GABRG3: variants seen among roughly 807,000 people sequenced by gnomAD.
GABRG3 encodes the protein gamma-aminobutyric acid receptor subunit gamma-3.
In GABRG3, 25 loss-of-function variants were observed where a neutral mutation model predicts 48.8. The ratio of observed to expected loss-of-function variants is 0.51; its 90% CI spans 0.37 to 0.72. GABRG3 has a LOEUF of 0.72. Among genes scored for constraint, GABRG3 ranks in the 30% least tolerant of loss-of-function variants. The pLI is 0.00. For synonymous variants in GABRG3, 227 were observed against 217.6 expected (o/e 1.04, Z -0.38); for missense variants, 394 against 577.9 (o/e 0.68, Z 3.26).
chr15:27,034,220 A>C (rs1453919457), intron 3 of GABRG3, among the ~76,000 whole-genome samples: 3 of 152,132 alleles, frequency 2.0e-5, no homozygotes, highest in African/African-American at 4.8e-5. Flanking sequence ...GGCTTTGTGG[A>C]TCTCCTGTTG....
chr15:26,999,686 T>C (rs1411409871), intron 2 of GABRG3, among the ~76,000 whole-genome samples: 1 of 152,180 alleles, frequency 6.6e-6, no homozygotes. Context: ...CAATCATTAT[T>C]TCCTCAAATG....
chr15:27,178,188 T>A (rs1887807803), intron 3 of GABRG3, among the ~76,000 whole-genome samples: 2 of 152,198 alleles, frequency 1.3e-5, no homozygotes, highest in Admixed American at 6.5e-5. Flanking sequence ...GTCAACTGTA[T>A]CCAAGTTATT....
Position 27,003,145 on chromosome 15 carries a change from T to A in GABRG3, c.203-23609T>A, listed in dbSNP as rs144964617. Among the ~76,000 whole-genome samples the A allele has an allele frequency of 9.9e-3, 1,499 of 151,338 alleles. 28 individuals carry two copies. The highest frequency in any genetic ancestry group is 0.034 in the African/African-American group (1,427 of 41,402). ...TTATATCGTTGGTATTCAAGTATCA[T>A]GAAATAGTTTTTATTTTTTTATTTT... On this transcript the variant is annotated intron_variant, in intron 2 of 9. Transcript: ENST00000615808.
At chr15:27,217,750 A>G (rs1323367467) in intron 3 of GABRG3, among the ~76,000 whole-genome samples, 1 of 152,214 alleles carries the variant, frequency 6.6e-6, no homozygotes, top group East Asian at 1.9e-4. Flanking sequence ...TACTCTCAAC[A>G]TAGGCACACA....
At chr15:27,405,738 C>T (rs371183145) in intron 5 of GABRG3, among the ~76,000 whole-genome samples, 23 of 151,930 alleles carry the variant, frequency 1.5e-4, no homozygotes, top group East Asian at 9.7e-4. Flanking sequence ...GGTTTTGAAG[C>T]GGCAACAGCC....
chr15:27,407,322 G>A (rs537719440), intron 5 of GABRG3, among the ~76,000 whole-genome samples: 4 of 152,322 alleles, frequency 2.6e-5, no homozygotes, highest in African/African-American at 9.6e-5. Flanking sequence ...GCAAATGCTG[G>A]CAAGGATATG....
At chr15:27,503,054 C>T (rs1308496494) in intron 6 of GABRG3, among the ~76,000 whole-genome samples, 2 of 152,226 alleles carry the variant, frequency 1.3e-5, no homozygotes, top group Non-Finnish European at 2.9e-5. Context: ...TAACTTTCAG[C>T]TTTCTCCTCT....
At chr15:27,301,900 G>GA (rs1566764425) in intron 3 of GABRG3, among the ~76,000 whole-genome samples, 3 of 152,074 alleles carry the variant, frequency 2.0e-5, no homozygotes, top group Non-Finnish European at 4.4e-5. Flanking sequence ...AGGCCAGAAA[G>GA]AAGAGGCATG....
intron 3 of GABRG3, among the ~76,000 whole-genome samples, chr15:27,165,244 T>G (rs1887334833): frequency 6.6e-6 from 1 of 152,162 alleles, no homozygotes; most frequent in Non-Finnish European, 1.5e-5. Context: ...TTGTTACTGG[T>G]GGTATGTTTA....
intron 3 of GABRG3, among the ~76,000 whole-genome samples, chr15:27,110,768 A>G (rs971658351): frequency 7.2e-5 from 11 of 152,136 alleles, no homozygotes; most frequent in Non-Finnish European, 1.3e-4. Context: ...TCACACTTCT[A>G]TAGGTGTGGT....
At chr15:27,103,816 T>C (rs919596923) in intron 3 of GABRG3, among the ~76,000 whole-genome samples, 4 of 152,178 alleles carry the variant, frequency 2.6e-5, no homozygotes, top group Non-Finnish European at 5.9e-5. Flanking sequence ...CCAATATCAA[T>C]AGCTTGGGGC....
At chr15:27,112,822 C>T (rs531518840) in intron 3 of GABRG3, among the ~76,000 whole-genome samples, 25 of 152,314 alleles carry the variant, frequency 1.6e-4, no homozygotes, top group Admixed American at 1.3e-3. Flanking sequence ...CAGCTAACCC[C>T]TTATGAGCGA....
At position 27,447,191 on chromosome 15, in the gene GABRG3, G is replaced by T. The variant is rs1463189660; in HGVS notation, c.575-33459G>T. On this transcript the variant is annotated intron_variant, in intron 5 of 9. Coordinates refer to ENST00000615808, the MANE Select transcript of GABRG3 (RefSeq NM_033223.5). This position sits in a 1 kb window ranked among gnomAD's most constrained non-coding sequence, Gnocchi z 4.0. ...GGAGGAGTAAGGCAAGGCTTGGGAA[G>T]AAGGTTCCCATTCCAACCAGAGACA... 6.6e-6 allele frequency among the ~76,000 whole-genome samples: 1 copy of T among 152,174 alleles called. No homozygotes were observed. The highest frequency in any genetic ancestry group is 2.4e-5 in the African/African-American group (1 of 41,444).
At chr15:27,195,211 A>AGCATCTGTATCATCTTGATGTTG (rs1888457074) in intron 3 of GABRG3, among the ~76,000 whole-genome samples, 1 of 152,246 alleles carries the variant, frequency 6.6e-6, no homozygotes, top group African/African-American at 2.4e-5. Context: ...CGACAATTTC[A>AGCATCTGTATCATCTTGATGTTG]GCATCTGTAT....
In GABRG3 at chr15:27,180,678, C is replaced by T. The variant is rs1405494714; in HGVS notation, c.271-146131C>T. ...GTGTTTGTGTGTGCACGCGCGCGCA[C>T]CCCAGGTCAGTTCTAGCAATAATTG... is the stretch of plus-strand genomic sequence containing the variant. On this transcript the variant is annotated intron_variant, in intron 3 of 9. Coordinates refer to ENST00000615808, the MANE Select transcript of GABRG3 (RefSeq NM_033223.5). This position sits in a 1 kb window ranked among gnomAD's most constrained non-coding sequence, Gnocchi z 4.2. 6.6e-6 allele frequency among the ~76,000 whole-genome samples: 1 copy of T among 152,028 alleles called. No homozygotes were observed. Among genetic ancestry groups the T allele is most frequent in the Non-Finnish European group, 1.5e-5 (1 of 68,006 alleles).
intron 3 of GABRG3, among the ~76,000 whole-genome samples, chr15:27,297,960 C>T (rs1033508869): frequency 6.9e-5 from 9 of 131,236 alleles, no homozygotes; most frequent in Admixed American, 6.2e-4. Flanking sequence ...AAAACAACTA[C>T]TAATAATATA....
intron 3 of GABRG3, among the ~76,000 whole-genome samples, chr15:27,287,948 A>G (rs1025675700): frequency 1.3e-5 from 2 of 152,092 alleles, no homozygotes; most frequent in Non-Finnish European, 2.9e-5. Flanking sequence ...TGTATTAGCC[A>G]GGATGGTCTT....
chr15:26,991,303 T>G (rs1294414052), intron 2 of GABRG3, among the ~76,000 whole-genome samples: 3 of 152,200 alleles, frequency 2.0e-5, no homozygotes, highest in African/African-American at 7.2e-5. Flanking sequence ...GCCACTGCCA[T>G]GCTGTTTTTG....
chr15:27,361,472 C>T (rs1895022054), intron 5 of GABRG3, among the ~76,000 whole-genome samples: 1 of 152,148 alleles, frequency 6.6e-6, no homozygotes, highest in Non-Finnish European at 1.5e-5. Context: ...CAGAGGACAG[C>T]ATGAAAGGAA....
Sources: allele counts gnomAD v4.1 joint callset (sites outside exome capture counted in the v4.1 genomes callset), GRCh38; gene constraint gnomAD v4.1.1; non-coding constraint Gnocchi (gnomAD v3.1); transcripts MANE v1.5; gene names NCBI Gene and HGNC (gene_info 2026-07-23, HGNC 2026-07-21).